Variants in XYLT1 observed in about 807,000 individuals in gnomAD.
XYLT1 encodes xylosyltransferase 1.
XYLT1 carries 36 observed loss-of-function variants against 91.3 expected under a neutral mutation model. The ratio of observed to expected loss-of-function variants is 0.39; its 90% confidence interval spans 0.30 to 0.52. The LOEUF is 0.52. XYLT1 is among the 20% of genes least tolerant of loss of function. The probability of loss-of-function intolerance (pLI) is 0.68; values close to 1 mark genes in which losing one functional copy is unlikely to be tolerated. For missense variants in XYLT1, 1,242 were observed against 1,284.5 expected (o/e 0.97, Z 0.51); for synonymous variants, 588 against 532.0 (o/e 1.11, Z -1.45).
rs67480834 is a variant in XYLT1, at chr16:17,300,452, C to CTTTTTTTTTTTTTTTTTTTTTTT, written c.403-40955_403-40954insAAAAAAAAAAAAAAAAAAAAAAA. ...CAGCTATTTCTTTCTTTCATTCTTTCTTTTTTTTTTTTTTTTTTTTTTGAG... is the reference window on the plus strand; with the variant it reads ...CAGCTATTTCTTTCTTTCATTCTTTCTTTTTTTTTTTTTTTTTTTTTTTTTTTTTTTTTTTTTTTTTTTTTGAG... On this transcript the variant is annotated intron_variant, in intron 2 of 11. Coordinates refer to ENST00000261381, the MANE Select transcript of XYLT1 (RefSeq NM_022166.4). Among the ~76,000 whole-genome samples the CTTTTTTTTTTTTTTTTTTTTTTT allele has an allele frequency of 6.5e-4, 42 of 64,840 alleles. 2 individuals are homozygous for CTTTTTTTTTTTTTTTTTTTTTTT. The highest frequency in any genetic ancestry group is 1.2e-3 in the East Asian group (2 of 1,634). The allele number at this position is 64,840 out of a possible 152,430, so 42.5% of individuals were successfully genotyped here.
chr16:17,274,117 G>A (rs1051278783), intron 2 of XYLT1, among the ~76,000 whole-genome samples: 1 of 152,002 alleles, frequency 6.6e-6, no homozygotes, highest in Non-Finnish European at 1.5e-5. Flanking sequence ...TCACCATGTT[G>A]GCCAGGCTGG....
chr16:17,297,871 A>G (rs1596470922), intron 2 of XYLT1, among the ~76,000 whole-genome samples: 1 of 151,696 alleles, frequency 6.6e-6, no homozygotes, highest in East Asian at 1.9e-4. Flanking sequence ...AATACAAAAC[A>G]TTAGCCGGGC....
intron 8 of XYLT1, among the ~76,000 whole-genome samples, chr16:17,136,993 T>C (rs2030751681): frequency 6.6e-6 from 1 of 152,060 alleles, no homozygotes; most frequent in Admixed American, 6.6e-5. Flanking sequence ...GGGAATTCAT[T>C]GAATAGGTCA....
In XYLT1 at chr16:17,411,678, G is replaced by C. The variant is rs1488018016; in HGVS notation, c.364-53628C>G. ...AGAGGGTGACTTTTCTGGGACCTCT[G>C]ATCTCTTAATAGTTGTAGTTCAACA... On this transcript the variant is annotated intron_variant, in intron 1 of 11. Transcript: ENST00000261381. Among the ~76,000 whole-genome samples, 5 of 152,276 alleles carry C rather than the reference G, an allele frequency of 3.3e-5. No homozygotes were observed. In the East Asian group the frequency reaches 7.7e-4, roughly 23 times the overall value.
chr16:17,423,080 C>T (rs371612004), intron 1 of XYLT1, among the ~76,000 whole-genome samples: 5 of 152,170 alleles, frequency 3.3e-5, no homozygotes, highest in South Asian at 2.1e-4. Context: ...AAGAATTTGA[C>T]GGAACAATGT....
intron 6 of XYLT1, among the ~76,000 whole-genome samples, chr16:17,155,757 T>G (rs866997194): frequency 6.6e-6 from 1 of 152,326 alleles, no homozygotes; most frequent in South Asian, 2.1e-4. Context: ...TGAGCTATTC[T>G]GTCAAGAGGC....
chr16:17,299,077 C>G (rs2034356995), intron 2 of XYLT1, among the ~76,000 whole-genome samples: 1 of 152,112 alleles, frequency 6.6e-6, no homozygotes, highest in African/African-American at 2.4e-5. Flanking sequence ...AACTAGAACG[C>G]AAGCTACTTT....
intron 3 of XYLT1, among the ~76,000 whole-genome samples, chr16:17,213,400 C>A (rs955430233): frequency 6.6e-6 from 1 of 152,116 alleles, no homozygotes; most frequent in Non-Finnish European, 1.5e-5. Flanking sequence ...GGAGAATGAA[C>A]CAATACAAGA....
chr16:17,348,116 G>A (rs1315643502), intron 2 of XYLT1, among the ~76,000 whole-genome samples: 1 of 152,152 alleles, frequency 6.6e-6, no homozygotes, highest in Admixed American at 6.5e-5. Context: ...TGGAGGCCCA[G>A]AGAAGAAAGG....
At position 17,138,340 on chromosome 16, in the gene XYLT1, A is replaced by ATGAGAAAGTCTCACCTGG. The variant is rs1567291279; in HGVS notation, c.1761_1764+14dup. On this transcript the variant is annotated intron_variant, in intron 8 of 11. Transcript: ENST00000261381. ...GCATCACTTAGGAGGCTGGCAGACC[A>ATGAGAAAGTCTCACCTGG]TGAGAAAGTCTCACCTGGAAGCGGT... 6.2e-7 allele frequency: 1 copy of ATGAGAAAGTCTCACCTGG among 1,604,542 alleles called. No individual in the cohort carries two copies. Among genetic ancestry groups the ATGAGAAAGTCTCACCTGG allele is most frequent in the South Asian group, 1.1e-5 (1 of 90,946 alleles).
At chr16:17,467,047 C>T (rs1218776468) in intron 1 of XYLT1, among the ~76,000 whole-genome samples, 1 of 152,148 alleles carries the variant, frequency 6.6e-6, no homozygotes, top group Non-Finnish European at 1.5e-5. Context: ...CTAAAAGAGT[C>T]CTGAGTTATC....
rs141257295 is a variant in XYLT1 at position 17,134,674 on chromosome 16, A to G, written c.1826T>C (p.Ile609Thr). 5.4e-5 allele frequency: 87 copies of G among 1,614,184 alleles called. No homozygotes were observed. The highest frequency in any genetic ancestry group is 3.8e-4 in the East Asian group (17 of 44,878). The stretch of plus-strand genomic sequence containing the variant: ...GTACAGGTAATAGTCCAGCTGCCCA[A>G]TGATTTCCTGATTCACCACGGCTTC... ...KFEAVVNQEI[I>T]GQLDYYLYGN... The change falls in exon 9 of 12, where the codon ATT becomes ACT. Residue 609 changes from isoleucine to threonine, a missense_variant. Ile to Thr is a moderately conservative substitution (Grantham distance 89, BLOSUM62 -1). This residue lies in a region of XYLT1 where 511 missense variants were observed against 497.0 expected (regional missense o/e 1.03). Transcript: ENST00000261381.
At chr16:17,281,145 A>G (rs1299074170) in intron 2 of XYLT1, among the ~76,000 whole-genome samples, 1 of 152,190 alleles carries the variant, frequency 6.6e-6, no homozygotes, top group Non-Finnish European at 1.5e-5. Context: ...AGGTGAAGGA[A>G]GCATCTGATA....
intron 3 of XYLT1, among the ~76,000 whole-genome samples, chr16:17,230,897 A>G (rs547304697): frequency 9.9e-5 from 15 of 152,184 alleles, no homozygotes; most frequent in Non-Finnish European, 2.9e-5. Context: ...TACTACCGGC[A>G]CCTAGTAAGT....
At chr16:17,456,443 T>TCCTC (rs1345213523) in intron 1 of XYLT1, among the ~76,000 whole-genome samples, 1 of 149,580 alleles carries the variant, frequency 6.7e-6, no homozygotes, top group Non-Finnish European at 1.5e-5. Flanking sequence ...GGTCAAGTGA[T>TCCTC]CCTCCCACCT....
chr16:17,330,717 C>A (rs1402446379), intron 2 of XYLT1, among the ~76,000 whole-genome samples: 1 of 151,950 alleles, frequency 6.6e-6, no homozygotes, highest in Non-Finnish European at 1.5e-5. Flanking sequence ...TCGCTTGAAC[C>A]CGGGAGGCGG....
At chr16:17,139,309 G>GCCTT (rs143304650) in intron 7 of XYLT1, among the ~76,000 whole-genome samples, 8,466 of 152,220 alleles carry the variant, frequency 0.056, 819 homozygotes, top group African/African-American at 0.19. Flanking sequence ...AATGGGCACA[G>GCCTT]CCTTCTGATT....
chr16:17,230,255 G>A (rs749127622), intron 3 of XYLT1, among the ~76,000 whole-genome samples: 27 of 152,170 alleles, frequency 1.8e-4, no homozygotes, highest in East Asian at 1.9e-4. Flanking sequence ...CCAGGGCTGC[G>A]AGAGGAATGT....
intron 5 of XYLT1, among the ~76,000 whole-genome samples, chr16:17,167,670 T>A (rs1307346032): frequency 6.6e-6 from 1 of 152,020 alleles, no homozygotes; most frequent in Admixed American, 6.5e-5. Flanking sequence ...GTGAATGGAT[T>A]CTAACCCATC....
Sources: allele counts gnomAD v4.1 joint callset (sites outside exome capture counted in the v4.1 genomes callset), GRCh38; gene constraint gnomAD v4.1.1; regional missense constraint gnomAD v4.1.1; transcripts MANE v1.5; gene names NCBI Gene and HGNC (gene_info 2026-07-23, HGNC 2026-07-21).